Variants in AGL observed in about 807,000 individuals in gnomAD.
AGL encodes the protein amylo-alpha-1,6-glucosidase and 4-alpha-glucanotransferase, also known as glycogen debranching enzyme.
Under a neutral mutation model 199.3 loss-of-function variants are expected in AGL, and 128 were observed. The ratio of observed to expected loss-of-function variants is 0.64; its 90% CI spans 0.56 to 0.74. AGL has a LOEUF of 0.74. AGL is among the 30% of genes least tolerant of loss of function. The probability of loss-of-function intolerance (pLI) is 0.00; values close to 1 mark genes in which losing one functional copy is unlikely to be tolerated. For synonymous variants in AGL, 584 were observed against 594.7 expected (o/e 0.98, Z 0.26); for missense variants, 1,809 against 1,820.8 (o/e 0.99, Z 0.12).
intron 7 of AGL, chr1:99,874,483 C>T: frequency 1.8e-6 from 1 of 556,138 alleles, no homozygotes; most frequent in Non-Finnish European, 3.2e-6. Flanking sequence ...CCCCCACACC[C>T]CTCGTGTGTG....
intron 7 of AGL, among the ~76,000 whole-genome samples, chr1:99,874,319 TAGAACTTAA>T (rs1356173750): frequency 1.3e-5 from 2 of 150,318 alleles, no homozygotes; most frequent in Non-Finnish European, 3.0e-5. Context: ...ACATGTACCC[TAGAACTTAA>T]AGTATAATAA....
chr1:99,910,816 G>T lies in AGL; in HGVS notation c.3805G>T (p.Ala1269Ser). ...GGATAAAATGGGAGAAAGTGACAGA[G>T]CTAGAAACAGAGGAATCCCAGCCAC... ...WMDKMGESDR[A>S]RNRGIPATPR... Residue 1269 changes from alanine to serine, a missense_variant, in exon 28 of 34, where the codon GCT becomes TCT. Transcript: ENST00000361915. 1 of 1,613,190 alleles carries T rather than the reference G, an allele frequency of 6.2e-7. No individual in the cohort carries two copies. Among genetic ancestry groups the T allele is most frequent in the South Asian group, 1.1e-5 (1 of 91,020 alleles).
intron 28 of AGL, among the ~76,000 whole-genome samples, chr1:99,911,074 A>G (rs914071971): frequency 5.9e-5 from 9 of 152,202 alleles, no homozygotes; most frequent in Non-Finnish European, 1.0e-4. Context: ...TTGATTCTCT[A>G]CAAGCACCTC....
chr1:99,862,507 A>G, intron 4 of AGL, 84 bp downstream of exon 4: 1 of 1,437,478 alleles, frequency 7.0e-7, no homozygotes, highest in Non-Finnish European at 9.7e-7. Context: ...AGTTTTGTGT[A>G]TTAGTCCATT....
chr1:99,886,265 C>T (rs1652445688), intron 20 of AGL, among the ~76,000 whole-genome samples: 1 of 152,064 alleles, frequency 6.6e-6, no homozygotes, highest in Non-Finnish European at 1.5e-5. Context: ...TGCTTGAGCC[C>T]AGGAGTCCAA....
chr1:99,908,316 A>C (rs968752136), intron 27 of AGL, among the ~76,000 whole-genome samples: 1 of 152,154 alleles, frequency 6.6e-6, no homozygotes, highest in African/African-American at 2.4e-5. Context: ...TTGTCAAAAA[A>C]AATTTGACTG....
chr1:99,860,071 T>A (rs1649910165), intron 2 of AGL, among the ~76,000 whole-genome samples: 1 of 152,152 alleles, frequency 6.6e-6, no homozygotes, highest in Non-Finnish European at 1.5e-5. Flanking sequence ...AATATAAACA[T>A]TCTTAATATA....
At chr1:99,888,180 T>C (rs1054443687) in intron 21 of AGL, 72 bp downstream of exon 21, 1 of 1,583,920 alleles carries the variant, frequency 6.3e-7, no homozygotes, top group Non-Finnish European at 8.6e-7. Flanking sequence ...TTTACAGACA[T>C]AGATATAGGC....
chr1:99,873,222 T>C (rs482825), intron 7 of AGL, among the ~76,000 whole-genome samples: 4,629 of 152,230 alleles, frequency 0.03, 225 homozygotes, highest in African/African-American at 0.11. Flanking sequence ...GATTTGTATT[T>C]TTAAAATTAT....
At chr1:99,901,271 G>A (rs1414324302) in intron 26 of AGL, among the ~76,000 whole-genome samples, 1 of 151,074 alleles carries the variant, frequency 6.6e-6, no homozygotes, top group East Asian at 1.9e-4. Context: ...AAGAAGCCAG[G>A]TGTATGGCAC....
At chr1:99,901,188 C>A (rs1176874041) in intron 26 of AGL, among the ~76,000 whole-genome samples, 2 of 151,526 alleles carry the variant, frequency 1.3e-5, no homozygotes, top group Non-Finnish European at 2.9e-5. Flanking sequence ...AAAGTTTCAC[C>A]TAAATGAGCC....
At chr1:99,852,351 C>CTTTTTTT (rs11363065) in intron 2 of AGL, among the ~76,000 whole-genome samples, 58 of 97,464 alleles carry the variant, frequency 6.0e-4, no homozygotes, top group East Asian at 9.1e-4. Flanking sequence ...GCATTCATTT[C>CTTTTTTT]TTTTTTTTTT....
Position 99,896,320 on chromosome 1 carries a change from C to T in AGL, c.3294C>T (p.Cys1098=), listed in dbSNP as rs1653316677. The T allele has an allele frequency of 6.2e-7, 1 of 1,613,760 alleles. No homozygotes were observed. Among genetic ancestry groups the T allele is most frequent in the South Asian group, 1.1e-5 (1 of 91,072 alleles). Residue 1098 remains cysteine (C), a synonymous_variant, in exon 25 of 34, where the codon TGC becomes TGT. Coordinates refer to ENST00000361915, the MANE Select transcript of AGL (RefSeq NM_000642.3). ...LPHFSSGIFR[C]WGRDTFIALR... is the part of the protein sequence containing the mutation. ...ATTTTTCTTCTGGTATTTTCCGCTG[C>T]TGGGGAAGGGATACTTTTATTGCAC...
intron 1 of AGL, 100 bp from the exon 2 acceptor site, chr1:99,850,875 A>G: frequency 1.4e-6 from 1 of 697,552 alleles, no homozygotes; most frequent in Non-Finnish European, 2.6e-6. Context: ...TTGCTCTGCT[A>G]GGCATAAAAC....
At chr1:99,855,805 A>T (rs931281247) in intron 2 of AGL, among the ~76,000 whole-genome samples, 1 of 152,178 alleles carries the variant, frequency 6.6e-6, no homozygotes, top group African/African-American at 2.4e-5. Flanking sequence ...GGTCTCAAAA[A>T]AAAAAAAGAA....
At chr1:99,880,538 G>T in intron 13 of AGL, 94 bp from the exon 14 acceptor site, 1 of 1,352,350 alleles carries the variant, frequency 7.4e-7, no homozygotes, top group Non-Finnish European at 1.1e-6. Context: ...TATTGATGTG[G>T]TCTTTATTTT....
intron 20 of AGL, among the ~76,000 whole-genome samples, chr1:99,885,646 A>G (rs998756519): frequency 6.6e-6 from 1 of 152,084 alleles, no homozygotes; most frequent in Non-Finnish European, 1.5e-5. Flanking sequence ...TAGGGACGTG[A>G]ACCCTATTGT....
chr1:99,878,116 G>C (rs149836120), intron 12 of AGL, among the ~76,000 whole-genome samples: 1 of 152,132 alleles, frequency 6.6e-6, no homozygotes, highest in African/African-American at 2.4e-5. Context: ...TGGCTACTGT[G>C]AATACATAAA....
At chr1:99,872,145 C>T (rs1296066160) in intron 7 of AGL, among the ~76,000 whole-genome samples, 1 of 151,982 alleles carries the variant, frequency 6.6e-6, no homozygotes, top group Non-Finnish European at 1.5e-5. Flanking sequence ...ATTTATTTAG[C>T]CTTTTTGATA....
Sources: allele counts gnomAD v4.1 joint callset (sites outside exome capture counted in the v4.1 genomes callset), GRCh38; gene constraint gnomAD v4.1.1; transcripts MANE v1.5; gene names NCBI Gene and HGNC (gene_info 2026-07-23, HGNC 2026-07-21).